ARHGEF25: variants seen among roughly 807,000 people sequenced by gnomAD.
ARHGEF25 encodes Rho guanine nucleotide exchange factor 25, also known as RAC/CDC42 exchange factor.
A neutral mutation model predicts 74.0 loss-of-function variants in ARHGEF25; 42 were observed. That is an observed-to-expected ratio of 0.57 (90% CI 0.44 to 0.73). The LOEUF (loss-of-function observed/expected upper bound fraction) is 0.73. Among genes scored for constraint, ARHGEF25 ranks in the 30% least tolerant of loss-of-function variants. The pLI, the probability that ARHGEF25 is intolerant of heterozygous loss-of-function variation, is 0.00. For synonymous variants in ARHGEF25, 293 were observed against 278.6 expected, an observed-to-expected ratio of 1.05 and a Z score of -0.51; for missense variants, 645 against 725.5, an observed-to-expected ratio of 0.89 and a Z score of 1.27.
Position 57,615,882 on chromosome 12 carries a change from C to A in ARHGEF25, c.1285C>A (p.Arg429Ser). 6.2e-7 allele frequency: 1 copy of A among 1,614,074 alleles called. No individual in the cohort carries two copies. The highest frequency in any genetic ancestry group is 8.5e-7 in the Non-Finnish European group (1 of 1,179,988). ...GGGGAACCTCCAAGGTGACCCTTGC[C>A]GCTTTGCACTGACCTCCAGAGGGCC... Reference protein sequence around the residue: ...LEGNLQGDPCRFALTSRGPEG... With the variant: ...LEGNLQGDPCSFALTSRGPEG... The change falls in exon 13 of 15, where the codon CGC (arginine) becomes AGC (serine). Residue 429 changes from arginine to serine, a missense_variant. By Grantham distance (110) the Arg-to-Ser change is moderately radical. Around this residue, in one of 3 missense-constraint regions of ARHGEF25, gnomAD observed 262 missense variants for 256.9 expected, o/e 1.02. Coordinates refer to ENST00000286494, the MANE Select transcript of ARHGEF25 (RefSeq NM_182947.4).
Position 57,614,793 on chromosome 12 carries a change from CT to C in ARHGEF25, c.909+17del, listed in dbSNP as rs1434426148. On this transcript the variant is annotated intron_variant, in intron 9 of 14. Coordinates refer to ENST00000286494, the MANE Select transcript of ARHGEF25 (RefSeq NM_182947.4). This position sits in a 1 kb window ranked among gnomAD's most constrained non-coding sequence, Gnocchi z 4.6. ...AGCTGCTGCTCAAGGTCAGGACCCC[CT>C]TTTTCCTGGGGGCACAGCTGGCTGG... is the stretch of plus-strand genomic sequence containing the variant. 1 of 1,602,040 alleles carries C rather than the reference CT, an allele frequency of 6.2e-7. No homozygotes were observed. The highest frequency in any genetic ancestry group is 8.5e-7 in the Non-Finnish European group (1 of 1,173,910).
chr12:57,615,406 G>A (rs1181385061), intron 11 of ARHGEF25, 92 bp downstream of exon 11: 1 of 1,586,774 alleles, frequency 6.3e-7, no homozygotes. Context: ...GTCTTCTCCT[G>A]GGGCTGACCC....
chr12:57,615,475 T>C, intron 11 of ARHGEF25, 37 bp from the exon 12 acceptor site: 1 of 1,613,044 alleles, frequency 6.2e-7, no homozygotes, highest in South Asian at 1.1e-5. Flanking sequence ...TCCTTTTTCT[T>C]GTTCTTTTTC....
intron 10 of ARHGEF25, 27 bp downstream of exon 10, chr12:57,615,044 C>T: frequency 6.2e-7 from 1 of 1,612,462 alleles, no homozygotes; most frequent in Non-Finnish European, 8.5e-7. Flanking sequence ...TTCCAGGACA[C>T]ACCATGTGCT....
chr12:57,611,399 GC>G (rs984809966), upstream of ARHGEF25: 1 of 980,888 alleles, frequency 1.0e-6, no homozygotes, highest in Non-Finnish European at 1.2e-6. The surrounding 1 kb of genome is among the most constrained non-coding windows in gnomAD (Gnocchi z 4.5). Flanking sequence ...GGCCGCAGAG[GC>G]CCCGCCTCGT....
upstream of ARHGEF25, chr12:57,610,479 C>A (rs552218623): frequency 5.0e-5 from 61 of 1,216,454 alleles, no homozygotes; most frequent in Non-Finnish European, 5.7e-5. Context: ...CCTTTTATAA[C>A]AATGTGGGTT....
Position 57,613,054 on chromosome 12 carries a change from C to G in ARHGEF25, c.222C>G (p.Pro74=), listed in dbSNP as rs199652772. The G allele has an allele frequency of 1.4e-5, 23 of 1,614,156 alleles. No homozygotes were observed. Among genetic ancestry groups the G allele is most frequent in the Non-Finnish European group, 1.8e-5 (21 of 1,180,008 alleles). The change falls in exon 2 of 15, where the codon CCC becomes CCG. Residue 74 remains proline (P), a synonymous_variant. Transcript: ENST00000286494. ...CCTGTTCCCCAGGCCCCCCAGGGCC[C>G]GTCAGTGGCCTGAGGAGATGGTTGG... ...SGPCSPGPPG[P]VSGLRRWLDH...
chr12:57,610,426 A>G, upstream of ARHGEF25: 2 of 1,077,958 alleles, frequency 1.9e-6, no homozygotes, highest in Non-Finnish European at 2.6e-6. Context: ...TCGCAGGAAT[A>G]CATGAATTCT....
At position 57,613,118 on chromosome 12, in the gene ARHGEF25, G is replaced by A. The variant is rs1464651792; in HGVS notation, c.286G>A (p.Asp96Asn). 5 of 1,613,532 alleles carry A rather than the reference G, an allele frequency of 3.1e-6. No individual in the cohort carries two copies. The East Asian group carries it at 8.9e-5, about 29-fold the overall frequency. Residue 96 changes from aspartate to asparagine, a missense_variant, in exon 2 of 15, where the codon GAC becomes AAC. Coordinates refer to ENST00000286494, the MANE Select transcript of ARHGEF25 (RefSeq NM_182947.4). ...KHCLSVETEA[D>N]SGQAGPYENW... ...TTGTCTCAGTGTGGAAACTGAGGCA[G>A]ACAGTGGTCAGGCAGGACCATATGA...
chr12:57,615,977 T>C lies in ARHGEF25; in HGVS notation c.1380T>C (p.His460=). 6.2e-7 allele frequency: 1 copy of C among 1,613,934 alleles called. No homozygotes were observed. The highest frequency in any genetic ancestry group is 1.1e-5 in the South Asian group (1 of 91,044). The change falls in exon 13 of 15, where the codon CAT becomes CAC. Residue 460 remains histidine (H), a synonymous_variant. Coordinates refer to ENST00000286494, the MANE Select transcript of ARHGEF25 (RefSeq NM_182947.4). ...DPAISQAWIK[H]VAQILESQRD... is the part of the protein sequence containing the mutation. The stretch of plus-strand genomic sequence containing the variant: ...CTATCAGTCAGGCCTGGATCAAGCA[T>C]GTGGCTCAGATCTTGGAGAGCCAAC...
Position 57,616,801 on chromosome 12 carries a change from C to G in ARHGEF25, c.1650C>G (p.Pro550=), listed in dbSNP as rs138964220. The change falls in exon 15 of 15, where the codon CCC becomes CCG. Residue 550 remains proline, a synonymous_variant. Transcript: ENST00000286494. ...PLDKQALGDI[P]QAPHDSPPVS... Reference sequence around the variant, plus strand: ...TTCTTCAGGCCCTTGGTGACATCCCCCAGGCTCCCCATGACTCTCCTCCAG... The same window carrying G: ...TTCTTCAGGCCCTTGGTGACATCCCGCAGGCTCCCCATGACTCTCCTCCAG... The G allele has an allele frequency of 6.2e-7, 1 of 1,611,730 alleles. No individual in the cohort carries two copies. Among genetic ancestry groups the G allele is most frequent in the South Asian group, 1.1e-5 (1 of 90,896 alleles).
At chr12:57,610,246 C>T (rs891868346), upstream of ARHGEF25, 3 of 1,601,756 alleles carry the variant, frequency 1.9e-6, no homozygotes, top group Admixed American at 1.7e-5. Context: ...CCGCCCCTGG[C>T]CGCACTGACC....
chr12:57,611,310 G>C, upstream of ARHGEF25: 1 of 341,240 alleles, frequency 2.9e-6, no homozygotes, highest in Non-Finnish European at 4.2e-6. The surrounding 1 kb of genome is among the most constrained non-coding windows in gnomAD (Gnocchi z 4.5). Context: ...TGGGAACGTG[G>C]TGGTGTCTGG....
chr12:57,610,228 G>C, upstream of ARHGEF25: 4 of 1,597,718 alleles, frequency 2.5e-6, no homozygotes, highest in Non-Finnish European at 3.4e-6. Flanking sequence ...TGAAGCCCCC[G>C]GACCGCCCCG....
intron 12 of ARHGEF25, 34 bp downstream of exon 12, chr12:57,615,746 G>C: frequency 1.2e-6 from 2 of 1,613,962 alleles, no homozygotes; most frequent in Non-Finnish European, 8.5e-7. Flanking sequence ...GGCTTGGAGA[G>C]AGAGAGGGCA....
In ARHGEF25 at chr12:57,614,241, C is replaced by A; in HGVS notation, c.657-90C>A. On this transcript the variant is annotated intron_variant, in intron 6 of 14. Transcript: ENST00000286494. The surrounding 1 kb of genome is among the most constrained non-coding windows in gnomAD (Gnocchi z 4.6). ...TGGAGAAGTTTTGTAGGGCACACTA[C>A]CAGGGCAGACAGCTCGAAACTGCTG... 1 of 1,576,150 alleles carries A rather than the reference C, an allele frequency of 6.3e-7. No homozygotes were observed. Among genetic ancestry groups the A allele is most frequent in the Non-Finnish European group, 8.7e-7 (1 of 1,146,230 alleles).
rs113387044 is a variant in ARHGEF25 at position 57,616,100 on chromosome 12, TA to T, written c.1420+84del. 7.9e-6 allele frequency: 12 copies of T among 1,526,714 alleles called. No homozygotes were observed. The African/African-American group carries it at 1.4e-4, about 18-fold the overall frequency. 94.6% of individuals were successfully genotyped at this position (1,526,714 alleles called of 1,614,324 possible). A position where few individuals can be genotyped will look rare whatever the true frequency, so the allele number is the denominator to read the frequency against. On this transcript the variant is annotated intron_variant, in intron 13 of 14. Transcript: ENST00000286494. The stretch of plus-strand genomic sequence containing the variant: ...CCCTCACTGCCCAGTCTCCAGTACC[TA>T]CCCTCTGACCATGGCCCATCCCCTT...
At chr12:57,615,383 C>A in intron 11 of ARHGEF25, 69 bp downstream of exon 11, 1 of 1,581,418 alleles carries the variant, frequency 6.3e-7, no homozygotes, top group Non-Finnish European at 8.6e-7. Flanking sequence ...TCAGGAGGTC[C>A]TTATGGGGAG....
Position 57,616,394 on chromosome 12 carries a change from G to GGAGA in ARHGEF25, c.1531_1532insGAGA (p.Ala511GlyfsTer34), listed in dbSNP as rs767646022. 148 of 1,614,000 alleles carry GGAGA rather than the reference G, an allele frequency of 9.2e-5. No homozygotes were observed. Among genetic ancestry groups the GGAGA allele is most frequent in the Non-Finnish European group, 1.2e-4 (138 of 1,180,032 alleles). ...TGGAAGAATTCAGCTTGGAGATCAG[G>GGAGA]CCCAGGGCAGCACACACACACCCAT... On this transcript the variant is annotated frameshift_variant, in exon 14 of 15. Transcript: ENST00000286494. LOFTEE classifies it high-confidence loss of function.
Sources: allele counts gnomAD v4.1 joint callset, GRCh38; gene constraint gnomAD v4.1.1; regional missense constraint gnomAD v4.1.1; non-coding constraint Gnocchi (gnomAD v3.1); transcripts MANE v1.5; gene names NCBI Gene and HGNC (gene_info 2026-07-23, HGNC 2026-07-21).